SETD5: variants seen among roughly 807,000 people sequenced by gnomAD.
SETD5 encodes the protein SET domain containing 5, also known as histone-lysine N-methyltransferase SETD5.
Under a neutral mutation model 153.3 loss-of-function variants are expected in SETD5, and 44 were observed. The observed-to-expected ratio is 0.29, with a 90% CI of 0.23 to 0.37. SETD5 has a LOEUF of 0.37. SETD5 is among the 10% of genes least tolerant of loss of function. The probability of loss-of-function intolerance (pLI) is 1.00; values close to 1 mark genes in which losing one functional copy is unlikely to be tolerated. For synonymous variants in SETD5, 716 were observed against 645.2 expected (o/e 1.11, Z -1.66); for missense variants, 1,544 against 1,768.0 (o/e 0.87, Z 2.27).
chr3:9,475,226 T>C, intron 22 of SETD5, 70 bp downstream of exon 22: 1 of 1,424,174 alleles, frequency 7.0e-7, no homozygotes, highest in Non-Finnish European at 9.6e-7. Flanking sequence ...CTGGTCATCC[T>C]TTGCCATTGA....
chr3:9,441,080 T>A (rs1023627317), intron 8 of SETD5, among the ~76,000 whole-genome samples: 3 of 152,012 alleles, frequency 2.0e-5, no homozygotes, highest in African/African-American at 7.2e-5. Flanking sequence ...GTTGTGATGA[T>A]ACACACCTGT....
chr3:9,427,117 C>G (rs1310476513), intron 2 of SETD5, among the ~76,000 whole-genome samples: 1 of 152,154 alleles, frequency 6.6e-6, no homozygotes, highest in East Asian at 1.9e-4. Flanking sequence ...AATTCCTGGA[C>G]TCAAGTGATC....
At chr3:9,431,723 G>A (rs2039987365) in intron 3 of SETD5, 1 of 985,670 alleles carries the variant, frequency 1.0e-6, no homozygotes, top group Non-Finnish European at 1.2e-6. Flanking sequence ...CACATGAAGT[G>A]CATATGTTCA....
chr3:9,471,808 C>T (rs1389920725), intron 19 of SETD5, among the ~76,000 whole-genome samples: 1 of 152,210 alleles, frequency 6.6e-6, no homozygotes, highest in Non-Finnish European at 1.5e-5. Context: ...TGCTGAATGT[C>T]CTGTATAGGG....
rs370412797 is a variant in SETD5 at position 9,475,824 on chromosome 3, C to T, written c.4062C>T (p.Asp1354=). ...GCCCTACCCTGCAGGGACCCTCAGA[C>T]TCGCCAACCTCAGATTCAGTTTCTC... The part of the protein sequence containing the change: ...AASPTLQGPS[D]SPTSDSVSQS... Residue 1354 remains aspartate, a synonymous_variant, in exon 23 of 23, where the codon GAC becomes GAT. Transcript: ENST00000402198. 1.2e-6 allele frequency: 2 copies of T among 1,613,944 alleles called. No individual in the cohort carries two copies. Among genetic ancestry groups the T allele is most frequent in the Non-Finnish European group, 1.7e-6 (2 of 1,179,908 alleles).
rs1651255916 is a variant in SETD5, at chr3:9,464,550, C to T, written c.2602C>T (p.Leu868=). The T allele has an allele frequency of 1.2e-6, 2 of 1,613,860 alleles. No homozygotes were observed. Among genetic ancestry groups the T allele is most frequent in the Non-Finnish European group, 1.7e-6 (2 of 1,179,884 alleles). Residue 868 remains leucine (L), a synonymous_variant, in exon 18 of 23, where the codon CTG becomes TTG. Coordinates refer to ENST00000402198, the MANE Select transcript of SETD5 (RefSeq NM_001080517.3). The part of the protein sequence containing the change: ...PPNSGSKSPQ[L]ATPGSSHPGE... ...CAATTCAGGCTCAAAGAGTCCCCAGCTGGCCACACCTGGCTCATCTCACCC... is the reference window on the plus strand; with the variant it reads ...CAATTCAGGCTCAAAGAGTCCCCAGTTGGCCACACCTGGCTCATCTCACCC...
intron 19 of SETD5, 66 bp downstream of exon 19, chr3:9,470,995 C>A: frequency 2.4e-6 from 2 of 827,974 alleles, no homozygotes; most frequent in Non-Finnish European, 3.7e-6. Context: ...AGTAGATATT[C>A]ATAAGTTTCT....
At chr3:9,442,411 T>C (rs1433671868) in intron 10 of SETD5, among the ~76,000 whole-genome samples, 166 bp downstream of exon 10, 1 of 152,040 alleles carries the variant, frequency 6.6e-6, no homozygotes, top group African/African-American at 2.4e-5. Flanking sequence ...TACGACAAAA[T>C]GGGCGCAAGG....
intron 7 of SETD5, among the ~76,000 whole-genome samples, chr3:9,438,203 C>T (rs974698979): frequency 1.3e-5 from 2 of 152,090 alleles, no homozygotes; most frequent in Admixed American, 1.3e-4. Context: ...CATCAGAGGC[C>T]TGGGATGTGT....
Position 9,470,793 on chromosome 3 carries a change from C to T in SETD5, c.3059C>T (p.Ser1020Phe). 1 of 1,613,698 alleles carries T rather than the reference C, an allele frequency of 6.2e-7. No individual in the cohort carries two copies. The highest frequency in any genetic ancestry group is 8.5e-7 in the Non-Finnish European group (1 of 1,179,750). ...KPLHLDGGYC[S>F]PAEGFSSRYE... ...TTACATTTGGATGGGGGATATTGTT[C>T]CCCTGCAGAAGGATTTTCCAGCAGA... is the stretch of plus-strand genomic sequence containing the variant. The change falls in exon 19 of 23, where the codon TCC becomes TTC. Residue 1020 changes from serine to phenylalanine, a missense_variant. By Grantham distance (155) the Ser-to-Phe change is radical (BLOSUM62 -2). This residue lies in a region of SETD5 where 782 missense variants were observed against 787.2 expected (regional missense o/e 0.99). Coordinates refer to ENST00000402198, the MANE Select transcript of SETD5 (RefSeq NM_001080517.3).
intron 1 of SETD5, chr3:9,398,678 T>C (rs2034180559): frequency 1.3e-5 from 2 of 152,272 alleles, no homozygotes; most frequent in Admixed American, 6.5e-5. Flanking sequence ...TGTGAGAATA[T>C]CTTCAAAGGC....
intron 9 of SETD5, 44 bp downstream of exon 9, chr3:9,441,785 G>T: frequency 6.2e-7 from 1 of 1,611,448 alleles, no homozygotes; most frequent in Non-Finnish European, 8.5e-7. Context: ...AGGTGGACCT[G>T]GTTGACCAGT....
chr3:9,432,226 A>G, intron 3 of SETD5: 2 of 928,258 alleles, frequency 2.2e-6, no homozygotes, highest in South Asian at 9.9e-5. Context: ...GCACCTCACT[A>G]ACAGAGAATA....
chr3:9,454,860 A>C (rs1220374240), intron 17 of SETD5, among the ~76,000 whole-genome samples: 1 of 152,118 alleles, frequency 6.6e-6, no homozygotes, highest in Admixed American at 6.5e-5. Flanking sequence ...TGTGATTTTC[A>C]TAACTTTTCT....
chr3:9,399,325 CAG>C (rs768908848), intron 1 of SETD5, among the ~76,000 whole-genome samples: 9 of 152,134 alleles, frequency 5.9e-5, no homozygotes, highest in Admixed American at 1.3e-4. Context: ...TTTTAGGTCA[CAG>C]AAAGTTCTAA....
intron 1 of SETD5, among the ~76,000 whole-genome samples, chr3:9,412,454 G>A (rs574725255): frequency 4.4e-5 from 6 of 136,982 alleles, no homozygotes; most frequent in African/African-American, 1.6e-4. Context: ...CCAGGCTAGA[G>A]TGCAGTAGCA....
chr3:9,426,642 C>G (rs904678675), intron 2 of SETD5, among the ~76,000 whole-genome samples: 12 of 152,276 alleles, frequency 7.9e-5, no homozygotes, highest in African/African-American at 2.9e-4. Flanking sequence ...ATCCACCCAC[C>G]TTGGCCTCCC....
At chr3:9,427,783 T>G (rs2039483173) in intron 2 of SETD5, among the ~76,000 whole-genome samples, 1 of 152,238 alleles carries the variant, frequency 6.6e-6, no homozygotes, top group Non-Finnish European at 1.5e-5. Flanking sequence ...TGTTTCATCC[T>G]TTCAATGTTT....
intron 1 of SETD5, among the ~76,000 whole-genome samples, chr3:9,400,653 T>C (rs1403066040): frequency 2.0e-5 from 3 of 152,238 alleles, no homozygotes; most frequent in Admixed American, 2.0e-4. Flanking sequence ...GGAGTTTGAC[T>C]TATAAGATTG....
Sources: allele counts gnomAD v4.1 joint callset (sites outside exome capture counted in the v4.1 genomes callset), GRCh38; gene constraint gnomAD v4.1.1; regional missense constraint gnomAD v4.1.1; transcripts MANE v1.5; gene names NCBI Gene and HGNC (gene_info 2026-07-23, HGNC 2026-07-21).